FANCD2: variants seen among roughly 807,000 people sequenced by gnomAD.
FANCD2 encodes the protein FA complementation group D2.
A neutral mutation model predicts 192.3 loss-of-function variants in FANCD2; 131 were observed. The ratio of observed to expected loss-of-function variants is 0.68; its 90% CI spans 0.59 to 0.79. The LOEUF (loss-of-function observed/expected upper bound fraction) is 0.79, where lower values mean the gene tolerates loss of function less well. FANCD2 is among the 30% of genes least tolerant of loss of function. FANCD2 has a pLI of 0.00. For missense variants in FANCD2, 1,508 were observed against 1,701.6 expected (o/e 0.89, Z 2.00); for synonymous variants, 524 against 612.5 (o/e 0.86, Z 2.13).
At position 10,039,342 on chromosome 3, in the gene FANCD2, A is replaced by G; in HGVS notation, c.555A>G (p.Arg185=). Residue 185 remains arginine (R), a synonymous_variant, in exon 8 of 44, where the codon AGA becomes AGG. Coordinates refer to ENST00000675286, the MANE Select transcript of FANCD2 (RefSeq NM_001018115.3). The part of the protein sequence containing the change: ...LIVSQLKWLD[R]VVDGKDLTTK... ...TCAGTCAACTAAAATGGCTTGACAG[A>G]GTTGTGGATGGCAAGGTAGGCTTAT... The G allele has an allele frequency of 1.2e-6, 2 of 1,613,466 alleles. No individual in the cohort carries two copies. The highest frequency in any genetic ancestry group is 1.7e-6 in the Non-Finnish European group (2 of 1,179,410).
At chr3:10,096,536 C>A (rs2125095846) in intron 42 of FANCD2, 64 bp downstream of exon 42, 2 of 1,518,170 alleles carry the variant, frequency 1.3e-6, no homozygotes, top group Non-Finnish European at 9.1e-7. Context: ...CATCAGATGG[C>A]ATGTAAGGAA....
chr3:10,078,085 CAGA>C lies in FANCD2; in HGVS notation c.2867_2869del (p.Glu956del), dbSNP rs1693630743. ...ATCCTTTCCTCCATGTGACAGGCTA[CAGA>C]AGTTGTGCAACTTGGGCCCCCTGAG... On this transcript the variant is annotated inframe_deletion, in exon 30 of 44. Transcript: ENST00000675286. The C allele has an allele frequency of 3.7e-6, 6 of 1,606,154 alleles. No individual in the cohort carries two copies. In the Admixed American group the frequency reaches 1.0e-4, roughly 27 times the overall value.
At chr3:10,052,321 A>T in intron 17 of FANCD2, 66 bp from the exon 18 acceptor site, 1 of 1,062,482 alleles carries the variant, frequency 9.4e-7, no homozygotes, top group Non-Finnish European at 1.5e-6. Context: ...AGGGATTTTA[A>T]TTTTTTGAAT....
intron 18 of FANCD2, among the ~76,000 whole-genome samples, chr3:10,055,547 T>G (rs376998379): frequency 7.9e-5 from 12 of 152,326 alleles, no homozygotes; most frequent in African/African-American, 2.6e-4. Context: ...GCACGGTGAC[T>G]CACGCCTGTA....
rs868280628 is a variant in FANCD2 at position 10,041,588 on chromosome 3, A to G, written c.696-35A>G. 4.2e-6 allele frequency: 6 copies of G among 1,431,870 alleles called. 1 individual carries two copies. Among genetic ancestry groups the G allele is most frequent in the South Asian group, 2.3e-5 (2 of 87,334 alleles). The allele number at this position is 1,431,870 out of a possible 1,614,324, so 88.7% of individuals were successfully genotyped here. A position where few individuals can be genotyped will look rare whatever the true frequency, so the allele number is the denominator to read the frequency against. Reference sequence around the variant, plus strand: ...TTGTCTGCCCAGCTCTGTTCAAACCATTATACAACTTTTTTCTTTTTCTAC... The same window carrying G: ...TTGTCTGCCCAGCTCTGTTCAAACCGTTATACAACTTTTTTCTTTTTCTAC... On this transcript the variant is annotated intron_variant, in intron 9 of 43. Transcript: ENST00000675286.
At chr3:10,092,765 T>C (rs1694728854) in intron 38 of FANCD2, among the ~76,000 whole-genome samples, 1 of 139,348 alleles carries the variant, frequency 7.2e-6, no homozygotes, top group South Asian at 2.4e-4. Flanking sequence ...TGATCACAGC[T>C]CACTGCAGCC....
intron 42 of FANCD2, among the ~76,000 whole-genome samples, chr3:10,098,209 T>A (rs1180404623): frequency 2.0e-5 from 3 of 152,314 alleles, no homozygotes; most frequent in Admixed American, 1.3e-4. Context: ...TGTTTCTGCA[T>A]AAAAATTGAA....
chr3:10,071,533 G>A (rs1404819101), intron 26 of FANCD2, among the ~76,000 whole-genome samples: 8 of 152,160 alleles, frequency 5.3e-5, no homozygotes, highest in African/African-American at 1.9e-4. Context: ...CCTGTTGTTT[G>A]CAACAATACA....
chr3:10,097,545 G>A (rs962930279), intron 42 of FANCD2, among the ~76,000 whole-genome samples: 5 of 152,324 alleles, frequency 3.3e-5, no homozygotes, highest in South Asian at 2.1e-4. Flanking sequence ...GCTCACCGGC[G>A]GTCAGAGTTT....
At chr3:10,042,498 C>A in intron 10 of FANCD2, 61 bp from the exon 11 acceptor site, 2 of 1,218,738 alleles carry the variant, frequency 1.6e-6, no homozygotes, top group South Asian at 1.2e-5. Flanking sequence ...TCTAACAGTT[C>A]AGTACAAAGT....
Position 10,093,293 on chromosome 3 carries a change from T to TA in FANCD2, c.3859dup (p.Ser1287LysfsTer32). ...GTCTTTCACCTCTCCAGGTATTTGA[T>TA]AGTCATCCTGTTCTGCATGTATGTT... On this transcript the variant is annotated frameshift_variant, in exon 39 of 44. Coordinates refer to ENST00000675286, the MANE Select transcript of FANCD2 (RefSeq NM_001018115.3). LOFTEE classifies it high-confidence loss of function. The TA allele has an allele frequency of 1.2e-6, 2 of 1,613,618 alleles. No individual in the cohort carries two copies. Among genetic ancestry groups the TA allele is most frequent in the Non-Finnish European group, 1.7e-6 (2 of 1,179,488 alleles).
At position 10,062,202 on chromosome 3, in the gene FANCD2, G is replaced by A. The variant is rs1390177254; in HGVS notation, c.1818G>A (p.Gln606=). 6.2e-7 allele frequency: 1 copy of A among 1,612,190 alleles called. No individual in the cohort carries two copies. Among genetic ancestry groups the A allele is most frequent in the Non-Finnish European group, 8.5e-7 (1 of 1,178,954 alleles). Residue 606 remains glutamine, a synonymous_variant, in exon 20 of 44, where the codon CAG becomes CAA. Transcript: ENST00000675286. ...AGAGAGCCAACCTGAGCGATGAGCAGTGCACACAGGTGAGTTCTTTTTTTC... is the reference window on the plus strand; with the variant it reads ...AGAGAGCCAACCTGAGCGATGAGCAATGCACACAGGTGAGTTCTTTTTTTC... The part of the protein sequence containing the change: ...TQERANLSDE[Q]CTQVTSLLQL...
intron 18 of FANCD2, among the ~76,000 whole-genome samples, chr3:10,053,609 C>A (rs2087286483): frequency 6.6e-6 from 1 of 150,844 alleles, no homozygotes; most frequent in Admixed American, 6.6e-5. Flanking sequence ...TTTTAAACCT[C>A]TTGAAATTTG....
intron 1 of FANCD2, among the ~76,000 whole-genome samples, chr3:10,027,904 C>CA (rs145483323): frequency 0.025 from 1,650 of 66,322 alleles, 49 homozygotes; most frequent in East Asian, 0.089. Flanking sequence ...GACTCCGTCT[C>CA]AAAAAAAAAA....
At chr3:10,088,749 A>G (rs1694395007) in intron 35 of FANCD2, 79 bp from the exon 36 acceptor site, 1 of 1,472,486 alleles carries the variant, frequency 6.8e-7, no homozygotes, top group South Asian at 1.1e-5. Flanking sequence ...GTTAATTCAG[A>G]TCATAGAGGA....
At chr3:10,036,391 TCTCTGAAAAGGTTA>T in intron 7 of FANCD2, 52 bp downstream of exon 7, 1 of 1,355,942 alleles carries the variant, frequency 7.4e-7, no homozygotes. Flanking sequence ...ACTTAAGTTC[TCTCTGAAAAGGTTA>T]CTCTGAAAAC....
intron 23 of FANCD2, among the ~76,000 whole-genome samples, 159 bp from the exon 24 acceptor site, chr3:10,065,235 G>A (rs773262142): frequency 2.0e-5 from 3 of 152,164 alleles, no homozygotes; most frequent in African/African-American, 4.8e-5. Context: ...GTTGCAGTGA[G>A]CTGAGATCGT....
chr3:10,055,425 T>C (rs1340331955), intron 18 of FANCD2, among the ~76,000 whole-genome samples: 1 of 152,230 alleles, frequency 6.6e-6, no homozygotes, highest in African/African-American at 2.4e-5. Context: ...ATATGTATCC[T>C]TTTGCGTCTC....
intron 32 of FANCD2, among the ~76,000 whole-genome samples, chr3:10,083,904 A>G (rs1429565643): frequency 6.6e-6 from 1 of 151,162 alleles, no homozygotes; most frequent in Non-Finnish European, 1.5e-5. Context: ...AAAAAAAAAA[A>G]AAAGGTATGT....
Sources: allele counts gnomAD v4.1 joint callset (sites outside exome capture counted in the v4.1 genomes callset), GRCh38; gene constraint gnomAD v4.1.1; transcripts MANE v1.5; gene names NCBI Gene and HGNC (gene_info 2026-07-23, HGNC 2026-07-21).